Variants in CCNF observed in about 807,000 individuals in gnomAD.
The protein encoded by CCNF is cyclin-F.
CCNF carries 30 observed loss-of-function variants against 85.4 expected under a neutral mutation model. The observed-to-expected ratio is 0.35, with a 90% confidence interval of 0.26 to 0.48. CCNF has a LOEUF of 0.48. Among genes scored for constraint, CCNF ranks in the 20% least tolerant of loss-of-function variants. The pLI is 0.99. For synonymous variants in CCNF, 439 were observed against 425.1 expected (o/e 1.03, Z -0.40); for missense variants, 919 against 1,010.4 (o/e 0.91, Z 1.23).
chr16:2,440,255 T>G (rs532565704), intron 8 of CCNF, among the ~76,000 whole-genome samples: 61 of 152,280 alleles, frequency 4.0e-4, no homozygotes, highest in African/African-American at 1.2e-3. Context: ...TCATGTCACC[T>G]GGTCACCAAG....
At chr16:2,444,717 C>G (rs1265919824) in intron 9 of CCNF, among the ~76,000 whole-genome samples, 1 of 152,048 alleles carries the variant, frequency 6.6e-6, no homozygotes, top group African/African-American at 2.4e-5. Context: ...CCACCTTACC[C>G]TCCTGAGTAG....
chr16:2,452,989 C>T lies in CCNF; in HGVS notation c.1488-221C>T. The stretch of plus-strand genomic sequence containing the variant: ...CAGTCCTGCCATGAACATTCTAGTA[C>T]AGGTTTCTGTGTGGACATAGTTTTT... On this transcript the variant is annotated intron_variant, in intron 13 of 16. Coordinates refer to ENST00000397066, the MANE Select transcript of CCNF (RefSeq NM_001761.3). The surrounding 1 kb of genome is among the most constrained non-coding windows in gnomAD (Gnocchi z 4.1). The T allele has an allele frequency of 1.7e-6, 1 of 589,624 alleles. No homozygotes were observed. 36.5% of individuals were successfully genotyped at this position (589,624 alleles called of 1,614,324 possible).
In CCNF at chr16:2,458,625, A is replaced by T. The variant is rs1336038675; in HGVS notation, c.*1605A>T. On this transcript the variant is annotated 3_prime_UTR_variant, in exon 17 of 17. Transcript: ENST00000397066. Reference sequence around the variant, plus strand: ...TGCTGCTTTTATGTGTGCTGGTGCTATGTGTGTTCATGTCCGCGGCAGCTG... The same window carrying T: ...TGCTGCTTTTATGTGTGCTGGTGCTTTGTGTGTTCATGTCCGCGGCAGCTG... The T allele has an allele frequency of 6.6e-6, 1 of 152,118 alleles. No individual in the cohort carries two copies. Among genetic ancestry groups the T allele is most frequent in the Non-Finnish European group, 1.5e-5 (1 of 68,060 alleles). The allele number at this position is 152,118 out of a possible 1,614,324, so 9.4% of individuals were successfully genotyped here.
At position 2,455,404 on chromosome 16, in the gene CCNF, G is replaced by C. The variant is rs1405733844; in HGVS notation, c.1725G>C (p.Glu575Asp). ...TCTCTCCACCTTGCAGGAAGCGGGA[G>C]AACAGCCTCCAGGAAGACAGAGGCA... is the stretch of plus-strand genomic sequence containing the variant. ...PSGRRTKRKR[E>D]NSLQEDRGSF... Residue 575 changes from glutamate to aspartate, a missense_variant, in exon 16 of 17, where the codon GAG becomes GAC. Physicochemically the swap from Glu to Asp is conservative, Grantham distance 45 (BLOSUM62 2). This residue lies in a region of CCNF where 505 missense variants were observed against 514.8 expected (regional missense o/e 0.98). Coordinates refer to ENST00000397066, the MANE Select transcript of CCNF (RefSeq NM_001761.3). The C allele has an allele frequency of 3.8e-6, 6 of 1,582,034 alleles. No individual in the cohort carries two copies. The East Asian group carries it at 9.1e-5, about 24-fold the overall frequency.
chr16:2,439,800 G>A lies in CCNF; in HGVS notation c.751G>A (p.Ala251Thr), dbSNP rs1232979399. The change falls in exon 8 of 17, where the codon GCT becomes ACT. Residue 251 changes from alanine to threonine, a missense_variant. Coordinates refer to ENST00000397066, the MANE Select transcript of CCNF (RefSeq NM_001761.3). ...CAGCTTCCGAAAACTCAGGGACTAC[G>A]CTGCCAAAGGCTGCTGGGAAGCGCA... is the stretch of plus-strand genomic sequence containing the variant. ...LHSFRKLRDY[A>T]AKGCWEAQLS... 6 of 1,614,182 alleles carry A rather than the reference G, an allele frequency of 3.7e-6. No individual in the cohort carries two copies. Among genetic ancestry groups the A allele is most frequent in the Non-Finnish European group, 5.1e-6 (6 of 1,180,016 alleles).
rs2065342652 is a variant in CCNF at position 2,443,279 on chromosome 16, T to C, written c.778-370T>C. Among the ~76,000 whole-genome samples the C allele has an allele frequency of 2.0e-5, 3 of 150,398 alleles. No homozygotes were observed. The Admixed American group carries it at 2.0e-4, about 10-fold the overall frequency. On this transcript the variant is annotated intron_variant, in intron 8 of 16. Transcript: ENST00000397066. ...CACAGTGTTTGCTGGGATGAAGCTG[T>C]GATGAGGCAGGTGCTCCTATTCCTG... is the stretch of plus-strand genomic sequence containing the variant.
intron 2 of CCNF, among the ~76,000 whole-genome samples, chr16:2,431,578 G>A (rs934904964): frequency 4.6e-5 from 7 of 151,304 alleles, no homozygotes; most frequent in South Asian, 2.1e-4. Flanking sequence ...TACTAGGGAG[G>A]CTGAGGCGGG....
chr16:2,454,242 T>C (rs906994656), intron 15 of CCNF, among the ~76,000 whole-genome samples: 5 of 152,156 alleles, frequency 3.3e-5, no homozygotes, highest in Admixed American at 1.3e-4. Flanking sequence ...CCTCAACTCC[T>C]GGGGAGCCCT....
chr16:2,456,722 G>C lies in CCNF; in HGVS notation c.2063G>C (p.Arg688Pro), dbSNP rs770988688. 3.7e-6 allele frequency: 6 copies of C among 1,612,362 alleles called. No individual in the cohort carries two copies. The highest frequency in any genetic ancestry group is 5.1e-6 in the Non-Finnish European group (6 of 1,179,158). Residue 688 changes from arginine (R) to proline (P), a missense_variant, in exon 17 of 17, where the codon CGC becomes CCC. Transcript: ENST00000397066. This position sits in a 1 kb window ranked among gnomAD's most constrained non-coding sequence, Gnocchi z 4.5. ...ACCCCTGGACCCAAACCCCTGGTCC[G>C]CACCAGCCGGGAGCCAGGGAAGGAC... ...PATPGPKPLV[R>P]TSREPGKDVT... is the part of the protein sequence containing the mutation.
In CCNF at chr16:2,437,113, C is replaced by T; in HGVS notation, c.347-16C>T. The T allele has an allele frequency of 1.3e-5, 20 of 1,561,710 alleles. No individual in the cohort carries two copies. The highest frequency in any genetic ancestry group is 1.7e-5 in the Non-Finnish European group (20 of 1,145,922). On this transcript the variant is annotated splice_polypyrimidine_tract_variant and intron_variant, in intron 4 of 16. Coordinates refer to ENST00000397066, the MANE Select transcript of CCNF (RefSeq NM_001761.3). The stretch of plus-strand genomic sequence containing the variant: ...CTAAGAGACATCCCTGGGCTCTGTC[C>T]TGTCTGTCCCCGCAGTGTCTGTGTC...
intron 6 of CCNF, among the ~76,000 whole-genome samples, chr16:2,438,800 C>A (rs2065305612): frequency 1.3e-5 from 2 of 151,044 alleles, no homozygotes; most frequent in South Asian, 2.1e-4. Context: ...AGTTTGAGAC[C>A]AACCTGGCCA....
At chr16:2,440,549 A>G (rs2065315618) in intron 8 of CCNF, among the ~76,000 whole-genome samples, 1 of 152,114 alleles carries the variant, frequency 6.6e-6, no homozygotes, top group Admixed American at 6.6e-5. Context: ...CAGAGGTTGC[A>G]GTACCACTAC....
At chr16:2,435,244 C>CT in intron 3 of CCNF, among the ~76,000 whole-genome samples, 1 of 130,964 alleles carries the variant, frequency 7.6e-6, no homozygotes, top group East Asian at 2.2e-4. Flanking sequence ...GAGCAGACTC[C>CT]GTCTCAAAAA....
At chr16:2,446,958 T>C (rs1596925715) in intron 10 of CCNF, among the ~76,000 whole-genome samples, 1 of 152,166 alleles carries the variant, frequency 6.6e-6, no homozygotes, top group Non-Finnish European at 1.5e-5. Context: ...GTCATTCCCA[T>C]GGAAGGAGGG....
chr16:2,429,653 G>A (rs1160981356), intron 1 of CCNF, among the ~76,000 whole-genome samples, 156 bp downstream of exon 1: 1 of 152,102 alleles, frequency 6.6e-6, no homozygotes, highest in Non-Finnish European at 1.5e-5. Flanking sequence ...TCCCGCGCAG[G>A]GAGCCCCGGC....
chr16:2,447,805 G>T (rs984812012), intron 10 of CCNF, among the ~76,000 whole-genome samples: 3 of 151,896 alleles, frequency 2.0e-5, no homozygotes, highest in African/African-American at 7.3e-5. Context: ...TGCTCTCAGA[G>T]GTGCCCTGCC....
intron 3 of CCNF, 128 bp from the exon 4 acceptor site, chr16:2,435,660 CACACACATATATATATAT>C: frequency 4.0e-5 from 2 of 49,428 alleles, no homozygotes; most frequent in African/African-American, 1.6e-3. Flanking sequence ...TATATGCACA[CACACACATATATATATAT>C]ATATATATAT....
rs547393350 is a variant in CCNF at position 2,445,534 on chromosome 16, G to C, written c.1006G>C (p.Glu336Gln). Reference protein sequence around the residue: ...FTSLCLHLTVECVDRYLRRRL... With the variant: ...FTSLCLHLTVQCVDRYLRRRL... The stretch of plus-strand genomic sequence containing the variant: ...AAGCCTGTGCCTGCACCTGACCGTG[G>C]AGTGTGTGGACCGGTACCTGCGGAG... Residue 336 changes from glutamate (E) to glutamine (Q), a missense_variant, in exon 10 of 17, where the codon GAG (glutamate) becomes CAG (glutamine). Physicochemically the swap from Glu to Gln is conservative, Grantham distance 29. This residue lies in a region of CCNF where 410 missense variants were observed against 478.6 expected (regional missense o/e 0.86). Coordinates refer to ENST00000397066, the MANE Select transcript of CCNF (RefSeq NM_001761.3). 9.9e-6 allele frequency: 16 copies of C among 1,614,152 alleles called. No homozygotes were observed. The highest frequency in any genetic ancestry group is 1.3e-5 in the Non-Finnish European group (15 of 1,180,028).
intron 10 of CCNF, among the ~76,000 whole-genome samples, chr16:2,447,797 C>T (rs1480314706): frequency 1.3e-5 from 2 of 152,094 alleles, no homozygotes; most frequent in African/African-American, 4.8e-5. Flanking sequence ...CCCACCTCTG[C>T]TCTCAGAGGT....
Sources: gnomAD v4.1 joint callset for allele counts (sites outside exome capture counted in the v4.1 genomes callset) on GRCh38, gnomAD v4.1.1 for gene constraint, gnomAD v4.1.1 regional missense constraint, Gnocchi (gnomAD v3.1) non-coding constraint, MANE v1.5 for transcripts, NCBI Gene and HGNC (gene_info 2026-07-23, HGNC 2026-07-21) for gene names.